Variants in IL26 observed in about 807,000 individuals in gnomAD.
The protein encoded by IL26 is interleukin 26.
Under a neutral mutation model 21.7 loss-of-function variants are expected in IL26, and 23 were observed. The observed-to-expected ratio is 1.06, with a 90% CI of 0.76 to 1.50. IL26 has a LOEUF of 1.50. Among genes scored for constraint, IL26 ranks in the 40% most tolerant of loss-of-function variants. The pLI is 0.00. For missense variants in IL26, 204 were observed against 196.0 expected, an observed-to-expected ratio of 1.04 and a Z score of -0.24; for synonymous variants, 63 against 67.8, an observed-to-expected ratio of 0.93 and a Z score of 0.34.
intron 3 of IL26, among the ~76,000 whole-genome samples, chr12:68,204,411 G>A (rs1013048271): frequency 6.6e-6 from 1 of 152,136 alleles, no homozygotes; most frequent in Admixed American, 6.5e-5. Flanking sequence ...CCAAAGTGCT[G>A]GGATTACAGG....
At chr12:68,223,581 G>C (rs1869125724) in intron 3 of IL26, among the ~76,000 whole-genome samples, 1 of 152,178 alleles carries the variant, frequency 6.6e-6, no homozygotes, top group African/African-American at 2.4e-5. Context: ...CAGACACTCT[G>C]TACTGTATCA....
chr12:68,224,940 C>T (rs1039144077), intron 3 of IL26, among the ~76,000 whole-genome samples: 7 of 152,154 alleles, frequency 4.6e-5, no homozygotes, highest in Non-Finnish European at 1.5e-5. Context: ...TTTTATGAGC[C>T]ATTCTTTAAG....
intron 3 of IL26, among the ~76,000 whole-genome samples, chr12:68,214,057 AC>A (rs1197921447): frequency 6.6e-6 from 1 of 151,960 alleles, no homozygotes; most frequent in African/African-American, 2.4e-5. Context: ...TTGTGTTTCC[AC>A]TTTTATTTAT....
chr12:68,212,747 C>T (rs1242235774), intron 3 of IL26, among the ~76,000 whole-genome samples: 2 of 151,896 alleles, frequency 1.3e-5, no homozygotes, highest in Non-Finnish European at 2.9e-5. Flanking sequence ...TTTTTGTATC[C>T]TGCAAATTTA....
intron 3 of IL26, among the ~76,000 whole-genome samples, chr12:68,214,670 A>G (rs1337495846): frequency 6.6e-6 from 1 of 151,860 alleles, no homozygotes. Flanking sequence ...TTTGGTTTCC[A>G]TTTGCATGGA....
chr12:68,217,313 C>A (rs1868913456), intron 3 of IL26, among the ~76,000 whole-genome samples: 1 of 151,724 alleles, frequency 6.6e-6, no homozygotes. Flanking sequence ...GCAAGGAAGC[C>A]CAAAAGGCAG....
At chr12:68,220,651 T>G (rs1869018606) in intron 3 of IL26, among the ~76,000 whole-genome samples, 1 of 152,224 alleles carries the variant, frequency 6.6e-6, no homozygotes, top group Non-Finnish European at 1.5e-5. Context: ...ACTAAGATAA[T>G]AAGAAGGTGT....
intron 3 of IL26, among the ~76,000 whole-genome samples, chr12:68,220,961 A>G (rs1869029381): frequency 6.6e-6 from 1 of 152,218 alleles, no homozygotes; most frequent in Non-Finnish European, 1.5e-5. Context: ...TCTCCCTTGT[A>G]TACAAATATA....
intron 3 of IL26, among the ~76,000 whole-genome samples, chr12:68,215,691 A>G (rs1868855442): frequency 6.6e-6 from 1 of 152,040 alleles, no homozygotes; most frequent in South Asian, 2.1e-4. Flanking sequence ...TTCTTGAGAC[A>G]GAATCTCCCT....
At position 68,210,338 on chromosome 12, in the gene IL26, C is replaced by CAAAAAAAAAAAAAAAAAAAAA. The variant is rs540693081; in HGVS notation, c.364-8276_364-8256dup. Among the ~76,000 whole-genome samples, 10 of 22,096 alleles carry CAAAAAAAAAAAAAAAAAAAAA rather than the reference C, an allele frequency of 4.5e-4. 1 individual carries two copies. Among genetic ancestry groups the CAAAAAAAAAAAAAAAAAAAAA allele is most frequent in the Non-Finnish European group, 7.1e-4 (7 of 9,866 alleles). 14.5% of individuals were successfully genotyped at this position (22,096 alleles called of 152,430 possible). ...ACTAAATAAATAAATATCAGTTTGG[C>CAAAAAAAAAAAAAAAAAAAAA]AAAAAAAAAAAAAAAAAAAAAAAAA... On this transcript the variant is annotated intron_variant, in intron 3 of 4. Transcript: ENST00000229134.
At chr12:68,208,045 T>C (rs962495207) in intron 3 of IL26, among the ~76,000 whole-genome samples, 3 of 152,210 alleles carry the variant, frequency 2.0e-5, no homozygotes, top group African/African-American at 7.2e-5. Context: ...TTCAAACCTA[T>C]ATTTAATGCA....
At chr12:68,201,992 T>A in intron 4 of IL26, 26 bp downstream of exon 4, 1 of 1,546,296 alleles carries the variant, frequency 6.5e-7, no homozygotes, top group Non-Finnish European at 8.8e-7. Flanking sequence ...ACAAAGTTTT[T>A]TAATATAAGG....
chr12:68,210,385 C>G (rs962151089), intron 3 of IL26, among the ~76,000 whole-genome samples: 4 of 33,012 alleles, frequency 1.2e-4, no homozygotes, highest in African/African-American at 4.1e-4. Context: ...AAAAAAAAAA[C>G]AGCACAAGCA....
intron 3 of IL26, among the ~76,000 whole-genome samples, chr12:68,224,702 G>A (rs926417422): frequency 1.1e-4 from 16 of 141,796 alleles, no homozygotes; most frequent in African/African-American, 3.9e-4. Context: ...AGAAAGGGGA[G>A]AGGGAGGGAG....
intron 3 of IL26, among the ~76,000 whole-genome samples, chr12:68,220,987 G>T (rs1045602243): frequency 6.6e-6 from 1 of 152,116 alleles, no homozygotes; most frequent in African/African-American, 2.4e-5. Flanking sequence ...GTTAAATATA[G>T]TCATAAGAAT....
At chr12:68,206,734 T>C (rs1451675052) in intron 3 of IL26, among the ~76,000 whole-genome samples, 1 of 152,234 alleles carries the variant, frequency 6.6e-6, no homozygotes, top group East Asian at 1.9e-4. Context: ...TACTGATAAA[T>C]GACTGTAGCA....
At chr12:68,223,881 G>GTTTTTTTTTTTTTTTTTT (rs1565740567) in intron 3 of IL26, among the ~76,000 whole-genome samples, 6 of 137,196 alleles carry the variant, frequency 4.4e-5, no homozygotes, top group African/African-American at 8.4e-5. Flanking sequence ...CTTAAATTTG[G>GTTTTTTTTTTTTTTTTTT]TGGTTTTTTT....
intron 3 of IL26, among the ~76,000 whole-genome samples, chr12:68,224,168 G>A (rs1869156292): frequency 1.3e-5 from 2 of 152,026 alleles, no homozygotes. Context: ...CCATCTGCAA[G>A]CTACAACTGC....
chr12:68,222,418 G>A (rs1001386441), intron 3 of IL26, among the ~76,000 whole-genome samples: 1 of 152,156 alleles, frequency 6.6e-6, no homozygotes, highest in South Asian at 2.1e-4. Context: ...AAAATTCTGT[G>A]TAAATCAGCT....
Sources: gnomAD v4.1 joint callset for allele counts (sites outside exome capture counted in the v4.1 genomes callset) on GRCh38, gnomAD v4.1.1 for gene constraint, MANE v1.5 for transcripts, NCBI Gene and HGNC (gene_info 2026-07-23, HGNC 2026-07-21) for gene names.